C12orf50: variants seen among roughly 807,000 people sequenced by gnomAD.
C12orf50 encodes the protein uncharacterized protein C12orf50.
In C12orf50, 35 loss-of-function variants were observed where a neutral mutation model predicts 61.6. That is an observed-to-expected ratio of 0.57 (90% CI 0.43 to 0.75). The LOEUF is 0.75. Among genes scored for constraint, C12orf50 ranks in the 30% least tolerant of loss-of-function variants. The pLI, the probability that C12orf50 is intolerant of heterozygous loss-of-function variation, is 0.00. For missense variants in C12orf50, 475 were observed against 488.5 expected (o/e 0.97, Z 0.26); for synonymous variants, 178 against 161.5 (o/e 1.10, Z -0.77).
intron 12 of C12orf50, among the ~76,000 whole-genome samples, chr12:87,982,468 C>G (rs1028105183): frequency 6.6e-6 from 1 of 152,100 alleles, no homozygotes; most frequent in Admixed American, 6.6e-5. Flanking sequence ...GAGAAGTAAT[C>G]GAAAGCATTT....
At chr12:88,018,265 G>A (rs2032383907) in intron 3 of C12orf50, among the ~76,000 whole-genome samples, 1 of 152,190 alleles carries the variant, frequency 6.6e-6, no homozygotes, top group Non-Finnish European at 1.5e-5. Flanking sequence ...AAGGGGCCAA[G>A]ATACAGCTCA....
chr12:88,020,236 C>T (rs4561284), intron 3 of C12orf50, among the ~76,000 whole-genome samples: 1 of 152,152 alleles, frequency 6.6e-6, no homozygotes. Context: ...TTAAAAGGCA[C>T]AGAGTTGCAA....
intron 3 of C12orf50, among the ~76,000 whole-genome samples, chr12:88,012,376 G>A (rs1297155553): frequency 6.6e-6 from 1 of 152,066 alleles, no homozygotes; most frequent in Admixed American, 6.6e-5. Flanking sequence ...AAAACACATA[G>A]GTTAAAAGAG....
Position 87,983,085 on chromosome 12 carries a change from C to T in C12orf50, c.1219+18G>A. On this transcript the variant is annotated intron_variant, in intron 12 of 12. Transcript: ENST00000298699. ...TTCAGAATTGCATGATACATTAAAA[C>T]CACTTATAAATAGTTACCTGGATAT... The T allele has an allele frequency of 7.0e-7, 1 of 1,427,640 alleles. No homozygotes were observed. The highest frequency in any genetic ancestry group is 1.2e-5 in the South Asian group (1 of 80,068). 88.4% of individuals were successfully genotyped at this position (1,427,640 alleles called of 1,614,324 possible). A position where few individuals can be genotyped will look rare whatever the true frequency, so the allele number is the denominator to read the frequency against.
intron 7 of C12orf50, among the ~76,000 whole-genome samples, chr12:87,990,577 A>G (rs143558594): frequency 3.0e-4 from 45 of 152,304 alleles, no homozygotes; most frequent in African/African-American, 1.1e-3. Flanking sequence ...GCAATGCCTG[A>G]GAGCAATGGA....
Position 88,027,012 on chromosome 12 carries a change from G to A in C12orf50, c.-50C>T, listed in dbSNP as rs1023880220. On this transcript the variant is annotated 5_prime_UTR_variant, in exon 2 of 13. Transcript: ENST00000298699. ...TAAACATTTCCTCTCTCTCCATAAT[G>A]AGCACACAGTGTCACTGCCAAGGGC... The A allele has an allele frequency of 6.2e-7, 1 of 1,613,898 alleles. No individual in the cohort carries two copies. The highest frequency in any genetic ancestry group is 2.2e-5 in the East Asian group (1 of 44,852).
rs1322289419 is a variant in C12orf50 at position 87,998,017 on chromosome 12, G to GA, written c.289+17dup. The GA allele has an allele frequency of 5.0e-6, 8 of 1,597,030 alleles. No homozygotes were observed. Among genetic ancestry groups the GA allele is most frequent in the African/African-American group, 2.7e-5 (2 of 74,338 alleles). ...GTTTTTGAATGTGTATTGTAAACCT[G>GA]AAAAAAGTTCTACTAACCATTTTGT... is the stretch of plus-strand genomic sequence containing the variant. On this transcript the variant is annotated intron_variant, in intron 4 of 12. Coordinates refer to ENST00000298699, the MANE Select transcript of C12orf50 (RefSeq NM_152589.3).
intron 3 of C12orf50, among the ~76,000 whole-genome samples, chr12:88,007,993 A>G (rs1247194236): frequency 6.6e-6 from 1 of 152,202 alleles, no homozygotes; most frequent in East Asian, 1.9e-4. Context: ...TAGGTGATCA[A>G]TAAACTCAAG....
chr12:88,029,149 G>GTTTT, intron 1 of C12orf50, 191 bp downstream of exon 1: 2 of 1,022,768 alleles, frequency 2.0e-6, no homozygotes, highest in South Asian at 1.6e-5. Context: ...TAATCCAATG[G>GTTTT]TTTTTTTTTT....
At chr12:88,021,748 T>G (rs1452523450) in intron 3 of C12orf50, among the ~76,000 whole-genome samples, 1 of 151,858 alleles carries the variant, frequency 6.6e-6, no homozygotes, top group Non-Finnish European at 1.5e-5. Flanking sequence ...TTAGAAGAAA[T>G]GAATATATTC....
intron 3 of C12orf50, among the ~76,000 whole-genome samples, chr12:88,002,775 T>G (rs2031705047): frequency 6.6e-6 from 1 of 151,714 alleles, no homozygotes; most frequent in Non-Finnish European, 1.5e-5. Context: ...CTGTTTCTCT[T>G]TCTTTTACAC....
In C12orf50 at chr12:87,983,150, C is replaced by A. The variant is rs776851924; in HGVS notation, c.1172G>T (p.Arg391Leu). The change falls in exon 12 of 13, where the codon CGA becomes CTA. Residue 391 changes from arginine (R) to leucine (L), a missense_variant. Coordinates refer to ENST00000298699, the MANE Select transcript of C12orf50 (RefSeq NM_152589.3). ...TGAATATGTTTTTGAAAAAGGAATT[C>A]GTTTTCGCCAGGCTGAATCATTATA... ...TSYNDSAWRK[R>L]IPFSKTYSKS... 6.2e-7 allele frequency: 1 copy of A among 1,605,148 alleles called. No individual in the cohort carries two copies. Among genetic ancestry groups the A allele is most frequent in the African/African-American group, 1.3e-5 (1 of 74,712 alleles).
At chr12:88,013,308 C>A (rs2032182428) in intron 3 of C12orf50, among the ~76,000 whole-genome samples, 1 of 152,116 alleles carries the variant, frequency 6.6e-6, no homozygotes, top group African/African-American at 2.4e-5. Context: ...GGCTCCAGCC[C>A]AGATATACTG....
intron 9 of C12orf50, 37 bp from the exon 10 acceptor site, chr12:87,986,453 A>G (rs1391053273): frequency 1.7e-5 from 25 of 1,449,688 alleles, no homozygotes; most frequent in Non-Finnish European, 2.4e-5. Context: ...TTTTTAAGAG[A>G]TGCTTTCATC....
At chr12:88,000,660 G>A (rs35705970) in intron 3 of C12orf50, among the ~76,000 whole-genome samples, 19,965 of 151,868 alleles carry the variant, frequency 0.13, 1,755 homozygotes, top group Non-Finnish European at 0.19. Flanking sequence ...CACAAAGTCA[G>A]TCTATGAACA....
At chr12:87,998,225 GAT>G in intron 3 of C12orf50, 35 bp from the exon 4 acceptor site, 1 of 1,543,996 alleles carries the variant, frequency 6.5e-7, no homozygotes. Flanking sequence ...GTCTGTTCAA[GAT>G]ATATGTGATG....
At chr12:88,015,351 G>A (rs1184810842) in intron 3 of C12orf50, among the ~76,000 whole-genome samples, 1 of 152,124 alleles carries the variant, frequency 6.6e-6, no homozygotes, top group Non-Finnish European at 1.5e-5. Context: ...TAAACACAGA[G>A]GCTAGACATT....
At position 88,026,999 on chromosome 12, in the gene C12orf50, C is replaced by G. The variant is rs756740227; in HGVS notation, c.-37G>C. 4.3e-6 allele frequency: 7 copies of G among 1,614,012 alleles called. 1 individual carries two copies. The South Asian group carries it at 6.6e-5, about 15-fold the overall frequency. On this transcript the variant is annotated 5_prime_UTR_variant, in exon 2 of 13. Transcript: ENST00000298699. ...TGCAAAGTGGATCTAAACATTTCCTCTCTCTCCATAATGAGCACACAGTGT... is the reference window on the plus strand; with the variant it reads ...TGCAAAGTGGATCTAAACATTTCCTGTCTCTCCATAATGAGCACACAGTGT...
At position 87,985,836 on chromosome 12, in the gene C12orf50, A is replaced by G; in HGVS notation, c.1126+14T>C. On this transcript the variant is annotated intron_variant, in intron 11 of 12. Transcript: ENST00000298699. ...CCACAGACAAGAGTAAACCACATCA[A>G]CAAAGGACCTCACCTGGACTGAGGT... 4 of 1,611,794 alleles carry G rather than the reference A, an allele frequency of 2.5e-6. No homozygotes were observed. The highest frequency in any genetic ancestry group is 3.4e-6 in the Non-Finnish European group (4 of 1,179,518).
Sources: allele counts gnomAD v4.1 joint callset (sites outside exome capture counted in the v4.1 genomes callset), GRCh38; gene constraint gnomAD v4.1.1; transcripts MANE v1.5; gene names NCBI Gene and HGNC (gene_info 2026-07-23, HGNC 2026-07-21).